The following IQSEC2 variants were observed in gnomAD, a reference collection of about 807,000 sequenced individuals.
The protein encoded by IQSEC2 is IQ motif and SEC7 domain-containing protein 2.
Under a neutral mutation model 74.6 loss-of-function variants are expected in IQSEC2, and 6 were observed. The ratio of observed to expected loss-of-function variants is 0.08; its 90% CI spans 0.04 to 0.16. IQSEC2 has a LOEUF of 0.16. Ranked by LOEUF, IQSEC2 falls within the 10% of genes least tolerant of loss-of-function variation. IQSEC2 has a pLI of 1.00. For missense variants in IQSEC2, 734 were observed against 1,306.2 expected (o/e 0.56, Z 6.75); for synonymous variants, 494 against 544.5 (o/e 0.91, Z 1.29).
chrX:53,243,387 T>A lies in IQSEC2; in HGVS notation c.2834A>T (p.Asp945Val). 1 of 1,167,704 alleles carries A rather than the reference T, an allele frequency of 8.6e-7. No individual in the cohort carries two copies. Reference sequence around the variant, plus strand: ...AGCCTGCACCTGGGACACATGGTCATCGTTGGTCCGCAGTTCACGCCCCTG... The same window carrying A: ...AGCCTGCACCTGGGACACATGGTCAACGTTGGTCCGCAGTTCACGCCCCTG... Reference protein sequence around the residue: ...RIQGRELRTNDDHVSQVQAVE... With the variant: ...RIQGRELRTNVDHVSQVQAVE... The change falls in exon 9 of 15, where the codon GAT (aspartate) becomes GTT (valine). Residue 945 changes from aspartate (D) to valine (V), a missense_variant. By Grantham distance (152) the Asp-to-Val change is radical. Transcript: ENST00000642864.
At chrX:53,254,340 A>G (rs1556864457) in intron 4 of IQSEC2, among the ~76,000 whole-genome samples, 190 bp downstream of exon 4, 1 of 105,338 alleles carries the variant, frequency 9.5e-6, no homozygotes, top group East Asian at 2.8e-4. Context: ...CAAAAAAAAA[A>G]AAAAAAAAGG....
intron 10 of IQSEC2, among the ~76,000 whole-genome samples, chrX:53,240,838 G>A (rs1230499997): frequency 3.7e-5 from 4 of 107,310 alleles, no homozygotes; most frequent in Admixed American, 3.0e-4. Flanking sequence ...GCAATGGAGC[G>A]ATCTCAGCTC....
chrX:53,248,212 G>A lies in IQSEC2; in HGVS notation c.2484C>T (p.Phe828=). The A allele has an allele frequency of 1.7e-6, 2 of 1,209,995 alleles. No individual in the cohort carries two copies. The highest frequency in any genetic ancestry group is 2.2e-6 in the Non-Finnish European group (2 of 894,675). The change falls in exon 7 of 15, where the codon TTC becomes TTT. Residue 828 remains phenylalanine (F), a synonymous_variant. Coordinates refer to ENST00000642864, the MANE Select transcript of IQSEC2 (RefSeq NM_001111125.3). Reference sequence around the variant, plus strand: ...GCGCATCATCCAGATCCATGGAGGAGAAGTCCATCTCATCCACCACACAGC... The same window carrying A: ...GCGCATCATCCAGATCCATGGAGGAAAAGTCCATCTCATCCACCACACAGC... ...VLDCVVDEMD[F]SSMDLDDALR...
intron 1 of IQSEC2, 81 bp from the exon 2 acceptor site, chrX:53,292,005 G>A (rs1292346387): frequency 3.3e-6 from 3 of 917,256 alleles, no homozygotes; most frequent in Non-Finnish European, 4.6e-6. Context: ...AGTGGCTTTG[G>A]GGGGCCTTGA....
At chrX:53,240,654 C>T (rs1369733728) in intron 10 of IQSEC2, among the ~76,000 whole-genome samples, 1 of 112,265 alleles carries the variant, frequency 8.9e-6, no homozygotes, top group African/African-American at 3.2e-5. Context: ...ATCCAGTGGG[C>T]CATCTAGGAA....
At chrX:53,303,827 C>G (rs946568410) in intron 1 of IQSEC2, among the ~76,000 whole-genome samples, 1 of 108,461 alleles carries the variant, frequency 9.2e-6, no homozygotes, top group Non-Finnish European at 1.9e-5. Context: ...AAAGTGAAAA[C>G]CTTTTGAAAG....
chrX:53,239,771 T>C (rs2074190222), intron 10 of IQSEC2, among the ~76,000 whole-genome samples: 1 of 111,616 alleles, frequency 9.0e-6, no homozygotes, highest in Non-Finnish European at 1.9e-5. Flanking sequence ...TGAACCCATG[T>C]AGAGAGTTAA....
intron 4 of IQSEC2, among the ~76,000 whole-genome samples, chrX:53,252,200 A>G (rs2074400372): frequency 1.8e-5 from 2 of 110,961 alleles, no homozygotes; most frequent in African/African-American, 6.6e-5. Context: ...AGCAGGGATT[A>G]CAGGTGCGCA....
intron 2 of IQSEC2, among the ~76,000 whole-genome samples, chrX:53,284,921 C>T (rs188598402): frequency 2.7e-5 from 3 of 112,292 alleles, no homozygotes; most frequent in African/African-American, 9.7e-5. Context: ...GGTCCTGCAG[C>T]TCCTCAGCTC....
At chrX:53,246,462 T>C (rs782585059) in intron 8 of IQSEC2, among the ~76,000 whole-genome samples, 2 of 112,027 alleles carry the variant, frequency 1.8e-5, no homozygotes. Context: ...ACAGGGAGTA[T>C]GGCAGATTCC....
chrX:53,307,335 T>G lies in IQSEC2; in HGVS notation c.707+13082A>C, dbSNP rs1452602990. Among the ~76,000 whole-genome samples the G allele has an allele frequency of 7.6e-5, 7 of 91,536 alleles. No individual in the cohort carries two copies. In the East Asian group the frequency reaches 2.4e-3, roughly 32 times the overall value. 79.5% of individuals were successfully genotyped at this position (91,536 alleles called of 115,157 possible). A position where few individuals can be genotyped will look rare whatever the true frequency, so the allele number is the denominator to read the frequency against. The stretch of plus-strand genomic sequence containing the variant: ...TTTTTGTAGAGACAGGGTTTCATCA[T>G]GTTATCATATTGCCCAGGCTGGTCT... On this transcript the variant is annotated intron_variant, in intron 1 of 14. Coordinates refer to ENST00000642864, the MANE Select transcript of IQSEC2 (RefSeq NM_001111125.3).
At chrX:53,303,098 G>A (rs1556875830) in intron 1 of IQSEC2, among the ~76,000 whole-genome samples, 1 of 109,866 alleles carries the variant, frequency 9.1e-6, no homozygotes. Flanking sequence ...AGCTACTTGG[G>A]AGGCTGGAGT....
At chrX:53,256,522 G>C (rs1445681886) in intron 2 of IQSEC2, among the ~76,000 whole-genome samples, 1 of 110,044 alleles carries the variant, frequency 9.1e-6, no homozygotes, top group Non-Finnish European at 1.9e-5. Flanking sequence ...CCGATTCCCA[G>C]CACCACCCCA....
chrX:53,291,984 G>A, intron 1 of IQSEC2, 60 bp from the exon 2 acceptor site: 5 of 1,042,055 alleles, frequency 4.8e-6, no homozygotes, highest in Non-Finnish European at 5.2e-6. Flanking sequence ...TTCTCCCTCT[G>A]CCCTAGGTAG....
chrX:53,246,780 C>T lies in IQSEC2; in HGVS notation c.2749+189G>A, dbSNP rs782575313. Among the ~76,000 whole-genome samples the T allele has an allele frequency of 1.3e-3, 148 of 111,696 alleles. 3 individuals carry two copies. Among genetic ancestry groups the T allele is most frequent in the Non-Finnish European group, 9.4e-4 (50 of 53,135 alleles). On this transcript the variant is annotated intron_variant, in intron 8 of 14. Transcript: ENST00000642864. ...AGAAACCTGGTACACAGTAGAAGCT[C>T]AGTACAATGGGCAAATGACGATTTG...
At chrX:53,292,821 G>C (rs1281273142) in intron 1 of IQSEC2, among the ~76,000 whole-genome samples, 1 of 111,703 alleles carries the variant, frequency 9.0e-6, no homozygotes, top group Non-Finnish European at 1.9e-5. Context: ...GTGTGTGTAC[G>C]GGAGGGAGGA....
At position 53,278,231 on chromosome X, in the gene IQSEC2, C is replaced by T. The variant is rs202185169; in HGVS notation, c.737+13664G>A. ...TTCACTGTGTTAGCCAGGATGGTCT[C>T]GATCTCCTGACCTCGTGATCTGCCT... On this transcript the variant is annotated intron_variant, in intron 2 of 14. Coordinates refer to ENST00000642864, the MANE Select transcript of IQSEC2 (RefSeq NM_001111125.3). Among the ~76,000 whole-genome samples the T allele has an allele frequency of 1.2e-3, 127 of 109,013 alleles. 3 individuals carry two copies. The highest frequency in any genetic ancestry group is 8.4e-3 in the Admixed American group (86 of 10,229). The allele number at this position is 109,013 out of a possible 115,157, so 94.7% of individuals were successfully genotyped here.
chrX:53,238,977 A>C lies in IQSEC2; in HGVS notation c.3115+218T>G, dbSNP rs111902282. 0.1 allele frequency among the ~76,000 whole-genome samples: 11,623 copies of C among 110,973 alleles called. 1,482 individuals are homozygous for C. Among genetic ancestry groups the C allele is most frequent in the African/African-American group, 0.36 (11,037 of 30,302 alleles). ...GTCTCTTTGGCCCACCAGAGAACAC[A>C]TGCACTGTGGTTCTCTGCAAGACCA... On this transcript the variant is annotated intron_variant, in intron 11 of 14. Coordinates refer to ENST00000642864, the MANE Select transcript of IQSEC2 (RefSeq NM_001111125.3).
chrX:53,291,838 C>T, intron 2 of IQSEC2, 57 bp downstream of exon 2: 1 of 1,075,260 alleles, frequency 9.3e-7, no homozygotes, highest in South Asian at 2.1e-5. Context: ...AACCAGAGGC[C>T]CCCACCCCAG....
Sources: allele counts gnomAD v4.1 joint callset (sites outside exome capture counted in the v4.1 genomes callset), GRCh38; gene constraint gnomAD v4.1.1; transcripts MANE v1.5; gene names NCBI Gene and HGNC (gene_info 2026-07-23, HGNC 2026-07-21).